WWP1: variants seen among roughly 807,000 people sequenced by gnomAD.
WWP1 encodes NEDD4-like E3 ubiquitin-protein ligase WWP1.
In WWP1, 49 loss-of-function variants were observed where a neutral mutation model predicts 130.6. The ratio of observed to expected loss-of-function variants is 0.38; its 90% CI spans 0.30 to 0.48. The LOEUF (loss-of-function observed/expected upper bound fraction) is 0.48, where lower values mean the gene tolerates loss of function less well. WWP1 is among the 20% of genes least tolerant of loss of function. WWP1 has a pLI of 0.99. For synonymous variants in WWP1, 332 were observed against 367.8 expected (o/e 0.90, Z 1.11); for missense variants, 809 against 1,100.6 (o/e 0.74, Z 3.75).
chr8:86,373,939 C>A, intron 2 of WWP1, 91 bp from the exon 3 acceptor site: 1 of 915,024 alleles, frequency 1.1e-6, no homozygotes, highest in Non-Finnish European at 1.6e-6. Flanking sequence ...TTTTTGAGAA[C>A]TTCTTAGTTG....
chr8:86,372,902 T>A (rs1824409739), intron 2 of WWP1, among the ~76,000 whole-genome samples: 1 of 152,136 alleles, frequency 6.6e-6, no homozygotes, highest in Non-Finnish European at 1.5e-5. Flanking sequence ...AACTCCTTTC[T>A]TTGGGTTTGT....
Position 86,398,338 on chromosome 8 carries a change from C to A in WWP1, c.335-4C>A. Reference sequence around the variant, plus strand: ...CTTTTAAATTAGAATATTCTTCTTTCTAGTGGAAAGAGTGAAAGAACAATT... The same window carrying A: ...CTTTTAAATTAGAATATTCTTCTTTATAGTGGAAAGAGTGAAAGAACAATT... On this transcript the variant is annotated splice_region_variant and splice_polypyrimidine_tract_variant and intron_variant, in intron 5 of 24. Transcript: ENST00000517970. 1 of 1,579,596 alleles carries A rather than the reference C, an allele frequency of 6.3e-7. No homozygotes were observed. Among genetic ancestry groups the A allele is most frequent in the Non-Finnish European group, 8.6e-7 (1 of 1,162,788 alleles).
chr8:86,407,280 C>A (rs2130539196), intron 8 of WWP1, among the ~76,000 whole-genome samples: 1 of 152,228 alleles, frequency 6.6e-6, no homozygotes, highest in Non-Finnish European at 1.5e-5. Context: ...TCTGTTCAAT[C>A]TTTCTTATAT....
rs367902938 is a variant in WWP1 at position 86,398,333 on chromosome 8, T to C, written c.335-9T>C. ...AAAAGCTTTTAAATTAGAATATTCT[T>C]CTTTCTAGTGGAAAGAGTGAAAGAA... On this transcript the variant is annotated splice_polypyrimidine_tract_variant and intron_variant, in intron 5 of 24. Coordinates refer to ENST00000517970, the MANE Select transcript of WWP1 (RefSeq NM_007013.4). 3 of 1,573,424 alleles carry C rather than the reference T, an allele frequency of 1.9e-6. No individual in the cohort carries two copies. The highest frequency in any genetic ancestry group is 2.6e-6 in the Non-Finnish European group (3 of 1,160,264).
At chr8:86,425,198 TGTTA>T in intron 9 of WWP1, 21 bp from the exon 10 acceptor site, 1 of 1,582,994 alleles carries the variant, frequency 6.3e-7, no homozygotes, top group African/African-American at 1.4e-5. Flanking sequence ...TGTCTCTTAC[TGTTA>T]TTTTTGTATT....
intron 9 of WWP1, among the ~76,000 whole-genome samples, chr8:86,424,807 GAGGGAGA>G (rs1809510431): frequency 1.5e-5 from 2 of 134,466 alleles, no homozygotes; most frequent in South Asian, 2.7e-4. Flanking sequence ...AAGAGAGGGA[GAGGGAGA>G]CTGTGGGGAG....
intron 5 of WWP1, among the ~76,000 whole-genome samples, chr8:86,383,038 G>A (rs1825069466): frequency 6.6e-6 from 1 of 152,152 alleles, no homozygotes; most frequent in Non-Finnish European, 1.5e-5. Context: ...TGAGTTATGA[G>A]TTAAGAAAAT....
intron 8 of WWP1, among the ~76,000 whole-genome samples, chr8:86,402,766 C>T (rs919711872): frequency 2.0e-5 from 3 of 152,150 alleles, no homozygotes; most frequent in Non-Finnish European, 2.9e-5. Flanking sequence ...GATTCTTAAG[C>T]TTTGCCACAA....
chr8:86,345,541 C>T (rs1276630435), intron 1 of WWP1, among the ~76,000 whole-genome samples: 6 of 152,138 alleles, frequency 3.9e-5, no homozygotes, highest in Non-Finnish European at 5.9e-5. Flanking sequence ...TCCCGAATAG[C>T]TTGAACTACA....
At chr8:86,404,093 T>G (rs1011123502) in intron 8 of WWP1, among the ~76,000 whole-genome samples, 1 of 152,228 alleles carries the variant, frequency 6.6e-6, no homozygotes, top group Non-Finnish European at 1.5e-5. Context: ...CTGAAACTGT[T>G]TGAGCATTGA....
In WWP1 at chr8:86,342,805, G is replaced by GGCT. The variant is rs1822275556; in HGVS notation, c.-234_-232dup. On this transcript the variant is annotated 5_prime_UTR_variant, in exon 1 of 25. Transcript: ENST00000517970. Reference sequence around the variant, plus strand: ...GGGCTGCCGGGGCCGACGCCTGGGTGGCTGCTGCCGCCGCGCCTGCTGCGA... The same window carrying GGCT: ...GGGCTGCCGGGGCCGACGCCTGGGTGGCTGCTGCTGCCGCCGCGCCTGCTGCGA... 2.7e-6 allele frequency: 1 copy of GGCT among 369,296 alleles called. No individual in the cohort carries two copies. Among genetic ancestry groups the GGCT allele is most frequent in the Admixed American group, 4.6e-5 (1 of 21,608 alleles). The allele number at this position is 369,296 out of a possible 1,614,324, so 22.9% of individuals were successfully genotyped here. A position where few individuals can be genotyped will look rare whatever the true frequency, so the allele number is the denominator to read the frequency against.
At position 86,427,709 on chromosome 8, in the gene WWP1, G is replaced by T; in HGVS notation, c.1224G>T (p.Thr408=). 1 of 1,613,944 alleles carries T rather than the reference G, an allele frequency of 6.2e-7. No individual in the cohort carries two copies. Among genetic ancestry groups the T allele is most frequent in the Non-Finnish European group, 8.5e-7 (1 of 1,179,906 alleles). The part of the protein sequence containing the change: ...YYVDHNTRTT[T]WQRPTMESVR... ...TGGATCATAACACCAGAACAACAAC[G>T]TGGCAGCGGCCTACCATGGAATCTG... Residue 408 remains threonine (T), a synonymous_variant, in exon 11 of 25, where the codon ACG becomes ACT. Coordinates refer to ENST00000517970, the MANE Select transcript of WWP1 (RefSeq NM_007013.4).
intron 16 of WWP1, among the ~76,000 whole-genome samples, chr8:86,436,506 T>G (rs1334205333): frequency 6.6e-6 from 1 of 152,166 alleles, no homozygotes; most frequent in African/African-American, 2.4e-5. Flanking sequence ...CCACCCAACA[T>G]AGTGTATTTT....
intron 3 of WWP1, 89 bp from the exon 4 acceptor site, chr8:86,380,637 A>G: frequency 1.5e-6 from 2 of 1,369,274 alleles, no homozygotes; most frequent in Non-Finnish European, 1.9e-6. Flanking sequence ...TAGTTGCACA[A>G]GAAGCACAAT....
intron 7 of WWP1, among the ~76,000 whole-genome samples, chr8:86,399,022 A>G (rs1472387923): frequency 3.3e-5 from 5 of 152,056 alleles, no homozygotes; most frequent in East Asian, 3.9e-4. Flanking sequence ...TGGATTGTCT[A>G]TTCTGGCCAT....
chr8:86,381,039 A>G (rs977547767), intron 4 of WWP1, among the ~76,000 whole-genome samples, 175 bp downstream of exon 4: 3 of 151,994 alleles, frequency 2.0e-5, no homozygotes, highest in African/African-American at 7.2e-5. Context: ...GGGAGGATGC[A>G]TAATAATGCT....
Position 86,342,926 on chromosome 8 carries a change from G to T in WWP1, c.-119G>T, listed in dbSNP as rs1300659547. 3 of 334,292 alleles carry T rather than the reference G, an allele frequency of 9.0e-6. No homozygotes were observed. The highest frequency in any genetic ancestry group is 1.4e-4 in the South Asian group (1 of 7,138). 20.7% of individuals were successfully genotyped at this position (334,292 alleles called of 1,614,324 possible). On this transcript the variant is annotated 5_prime_UTR_variant, in exon 1 of 25. Transcript: ENST00000517970. ...GGCTGCCGGGAGCCGACAGCTTCGC[G>T]CCGGGTAAGGACGGCGCGGCGCGGG...
At chr8:86,364,776 A>G (rs1823859345) in intron 1 of WWP1, among the ~76,000 whole-genome samples, 2 of 151,196 alleles carry the variant, frequency 1.3e-5, no homozygotes, top group Admixed American at 6.6e-5. Flanking sequence ...ACTGCACTCT[A>G]TCCTGGGCGA....
chr8:86,404,291 A>G (rs879405640), intron 8 of WWP1, among the ~76,000 whole-genome samples: 3 of 152,192 alleles, frequency 2.0e-5, no homozygotes, highest in Non-Finnish European at 2.9e-5. Flanking sequence ...GGAGGTTTTG[A>G]TCTTATTCCT....
Sources: gnomAD v4.1 joint callset for allele counts (sites outside exome capture counted in the v4.1 genomes callset) on GRCh38, gnomAD v4.1.1 for gene constraint, MANE v1.5 for transcripts, NCBI Gene and HGNC (gene_info 2026-07-23, HGNC 2026-07-21) for gene names.